The following LRMDA variants were observed in gnomAD, a reference collection of about 807,000 sequenced individuals.
LRMDA encodes leucine rich melanocyte differentiation associated.
A neutral mutation model predicts 29.8 loss-of-function variants in LRMDA; 18 were observed. The observed-to-expected ratio is 0.60, with a 90% CI of 0.42 to 0.90. The LOEUF (loss-of-function observed/expected upper bound fraction) is 0.90, where lower values mean the gene tolerates loss of function less well. Among genes scored for constraint, LRMDA ranks in the 40% least tolerant of loss-of-function variants. The probability of loss-of-function intolerance (pLI) is 0.00; values close to 1 mark genes in which losing one functional copy is unlikely to be tolerated. For missense variants in LRMDA, 273 were observed against 273.9 expected (o/e 1.00, Z 0.02); for synonymous variants, 125 against 109.4 (o/e 1.14, Z -0.89).
At chr10:75,876,841 C>T (rs1845206635) in intron 2 of LRMDA, among the ~76,000 whole-genome samples, 1 of 152,192 alleles carries the variant, frequency 6.6e-6, no homozygotes, top group African/African-American at 2.4e-5. Context: ...TAACACCAGC[C>T]CTTTTCATGA....
intron 5 of LRMDA, among the ~76,000 whole-genome samples, chr10:76,230,936 TAAA>T (rs1852047368): frequency 6.6e-6 from 1 of 152,236 alleles, no homozygotes; most frequent in South Asian, 2.1e-4. Context: ...AGCTTCTTTA[TAAA>T]ATTACAGCTA....
At chr10:76,031,226 G>C (rs575167252) in intron 2 of LRMDA, among the ~76,000 whole-genome samples, 1 of 152,230 alleles carries the variant, frequency 6.6e-6, no homozygotes, top group South Asian at 2.1e-4. Flanking sequence ...ACTCAGAGCT[G>C]CAATTATTTA....
intron 6 of LRMDA, among the ~76,000 whole-genome samples, chr10:76,550,554 T>C (rs1049928935): frequency 7.2e-6 from 1 of 139,598 alleles, no homozygotes; most frequent in South Asian, 2.4e-4. Context: ...ACTGTTGCGA[T>C]GCAGTACCCC....
At chr10:75,600,369 C>G (rs1447809768) in intron 2 of LRMDA, among the ~76,000 whole-genome samples, 1 of 152,158 alleles carries the variant, frequency 6.6e-6, no homozygotes, top group Non-Finnish European at 1.5e-5. Context: ...GGCCCTGTCC[C>G]CTAGGGAGCC....
At chr10:76,039,251 A>G (rs1200953291) in intron 3 of LRMDA, among the ~76,000 whole-genome samples, 1 of 152,228 alleles carries the variant, frequency 6.6e-6, no homozygotes, top group South Asian at 2.1e-4. Context: ...AGACCTTGGC[A>G]TTGGCATCTT....
At chr10:76,203,165 G>A (rs1851464718) in intron 5 of LRMDA, among the ~76,000 whole-genome samples, 2 of 152,160 alleles carry the variant, frequency 1.3e-5, no homozygotes, top group Admixed American at 1.3e-4. Flanking sequence ...TGGACATTTT[G>A]GAGTCCCAAC....
At chr10:76,265,402 G>T (rs1589401417) in intron 5 of LRMDA, among the ~76,000 whole-genome samples, 1 of 152,274 alleles carries the variant, frequency 6.6e-6, no homozygotes, top group East Asian at 1.9e-4. Context: ...CTCAGTGGTT[G>T]AGCCCTGGTT....
intron 2 of LRMDA, among the ~76,000 whole-genome samples, chr10:75,766,282 C>T (rs1843166905): frequency 6.6e-6 from 1 of 152,208 alleles, no homozygotes. Context: ...ACTTAACTCT[C>T]ACTAGGATGT....
chr10:76,222,412 C>A (rs1307317316), intron 5 of LRMDA, among the ~76,000 whole-genome samples: 1 of 152,058 alleles, frequency 6.6e-6, no homozygotes, highest in African/African-American at 2.4e-5. Context: ...TGAACTCCAA[C>A]AAATTTACAA....
chr10:76,410,958 A>G (rs1379853704), intron 6 of LRMDA, among the ~76,000 whole-genome samples: 1 of 152,084 alleles, frequency 6.6e-6, no homozygotes, highest in South Asian at 2.1e-4. Context: ...AAACAAAACA[A>G]AACACCAGAA....
At chr10:76,037,101 G>C (rs965718971) in intron 3 of LRMDA, among the ~76,000 whole-genome samples, 4 of 152,208 alleles carry the variant, frequency 2.6e-5, no homozygotes, top group African/African-American at 9.7e-5. Flanking sequence ...CCTGTGAGAA[G>C]GGTGTGTCTT....
At chr10:76,410,932 C>T (rs190288582) in intron 6 of LRMDA, among the ~76,000 whole-genome samples, 15 of 152,134 alleles carry the variant, frequency 9.9e-5, no homozygotes, top group African/African-American at 3.1e-4. Flanking sequence ...GGCAACAGAG[C>T]GAGACTCCAT....
chr10:76,498,136 A>G lies in LRMDA; in HGVS notation c.602-59073A>G, dbSNP rs1487095836. Among the ~76,000 whole-genome samples, 3 of 75,416 alleles carry G rather than the reference A, an allele frequency of 4.0e-5. 1 individual carries two copies. The highest frequency in any genetic ancestry group is 9.7e-5 in the African/African-American group (3 of 30,998). The allele number at this position is 75,416 out of a possible 152,430, so 49.5% of individuals were successfully genotyped here. On this transcript the variant is annotated intron_variant, in intron 6 of 6. Transcript: ENST00000611255. ...GCTACTTAATGGTCTTGCAAATTGG[A>G]ACAGTTGTAAGTTTTGATTGTGACA...
intron 2 of LRMDA, among the ~76,000 whole-genome samples, chr10:75,477,059 C>G (rs1437556075): frequency 6.6e-6 from 1 of 151,842 alleles, no homozygotes; most frequent in African/African-American, 2.4e-5. Flanking sequence ...GGCGCCAACA[C>G]AGCTCACTGC....
At chr10:75,597,252 C>T (rs962006996) in intron 2 of LRMDA, among the ~76,000 whole-genome samples, 2 of 152,164 alleles carry the variant, frequency 1.3e-5, no homozygotes, top group Admixed American at 6.5e-5. Context: ...ATCTGATGAA[C>T]GAATACCTTG....
intron 2 of LRMDA, among the ~76,000 whole-genome samples, chr10:75,793,278 C>T (rs1843599075): frequency 6.6e-6 from 1 of 152,112 alleles, no homozygotes; most frequent in South Asian, 2.1e-4. Flanking sequence ...GAAGGATATT[C>T]ACTGTGAAGG....
At chr10:76,458,791 T>C (rs538419943) in intron 6 of LRMDA, among the ~76,000 whole-genome samples, 1 of 152,298 alleles carries the variant, frequency 6.6e-6, no homozygotes, top group South Asian at 2.1e-4. Flanking sequence ...TTTATTCTGA[T>C]TTTTTAAGGA....
intron 5 of LRMDA, among the ~76,000 whole-genome samples, chr10:76,174,344 C>A (rs563185925): frequency 6.6e-6 from 1 of 152,082 alleles, no homozygotes; most frequent in East Asian, 1.9e-4. Context: ...AAATTAAATT[C>A]TTTCCAATAT....
chr10:76,472,885 C>T (rs942544701), intron 6 of LRMDA, among the ~76,000 whole-genome samples: 1 of 151,312 alleles, frequency 6.6e-6, no homozygotes, highest in Non-Finnish European at 1.5e-5. Flanking sequence ...AAACAAAAAA[C>T]AACCGTCTAC....
Sources: gnomAD v4.1 joint callset for allele counts (sites outside exome capture counted in the v4.1 genomes callset) on GRCh38, gnomAD v4.1.1 for gene constraint, MANE v1.5 for transcripts, NCBI Gene and HGNC (gene_info 2026-07-23, HGNC 2026-07-21) for gene names.